The following TLK1 variants were observed in gnomAD, a reference collection of about 807,000 sequenced individuals.
The protein encoded by TLK1 is tousled like kinase 1.
TLK1 carries 24 observed loss-of-function variants against 105.3 expected under a neutral mutation model. The ratio of observed to expected loss-of-function variants is 0.23; its 90% CI spans 0.17 to 0.32. The LOEUF (loss-of-function observed/expected upper bound fraction) is 0.32, where lower values mean the gene tolerates loss of function less well. Ranked by LOEUF, TLK1 falls within the 10% of genes least tolerant of loss-of-function variation. The probability of loss-of-function intolerance (pLI) is 1.00; values close to 1 mark genes in which losing one functional copy is unlikely to be tolerated. For missense variants in TLK1, 558 were observed against 910.5 expected, an observed-to-expected ratio of 0.61 and a Z score of 4.98; for synonymous variants, 321 against 310.4, an observed-to-expected ratio of 1.03 and a Z score of -0.36.
At chr2:171,182,840 C>T (rs1000973387) in intron 1 of TLK1, among the ~76,000 whole-genome samples, 4 of 149,468 alleles carry the variant, frequency 2.7e-5, no homozygotes, top group South Asian at 4.2e-4. Context: ...AAGGTTTGCT[C>T]GAGCCCAGGA....
chr2:171,147,777 T>G (rs1052252671), intron 1 of TLK1, among the ~76,000 whole-genome samples: 1 of 152,230 alleles, frequency 6.6e-6, no homozygotes, highest in African/African-American at 2.4e-5. Flanking sequence ...TCTTAGTGCC[T>G]GTAATTTTCT....
At chr2:171,205,602 G>A (rs914750840) in intron 1 of TLK1, among the ~76,000 whole-genome samples, 3 of 152,184 alleles carry the variant, frequency 2.0e-5, no homozygotes, top group African/African-American at 7.2e-5. Flanking sequence ...GGGATTACAG[G>A]TGTGAGCCAC....
intron 3 of TLK1, among the ~76,000 whole-genome samples, chr2:171,063,087 T>C (rs1025226526): frequency 3.9e-5 from 6 of 152,216 alleles, no homozygotes; most frequent in Admixed American, 2.6e-4. Context: ...GACTCATGCC[T>C]GCAATCTCAG....
At chr2:171,105,952 A>G (rs895332051) in intron 2 of TLK1, among the ~76,000 whole-genome samples, 5 of 152,234 alleles carry the variant, frequency 3.3e-5, no homozygotes, top group African/African-American at 1.2e-4. Context: ...TATGGAATCA[A>G]TGTAAGTGTC....
At chr2:171,229,366 T>A (rs1693952180) in intron 1 of TLK1, among the ~76,000 whole-genome samples, 1 of 152,228 alleles carries the variant, frequency 6.6e-6, no homozygotes, top group Non-Finnish European at 1.5e-5. Flanking sequence ...GTCTAATGCT[T>A]GGCCTCCAAG....
At chr2:171,147,155 A>G (rs144984349) in intron 1 of TLK1, among the ~76,000 whole-genome samples, 1,624 of 152,350 alleles carry the variant, frequency 0.011, 11 homozygotes, top group Admixed American at 0.02. Context: ...CCAAGCTCCT[A>G]GAAAGCAAGG....
chr2:171,041,653 C>T (rs1332900695), intron 11 of TLK1, among the ~76,000 whole-genome samples: 1 of 152,172 alleles, frequency 6.6e-6, no homozygotes, highest in East Asian at 1.9e-4. Context: ...TGAGGTGGAA[C>T]AGTTTCATCC....
At chr2:171,064,972 A>G (rs908748763) in intron 3 of TLK1, among the ~76,000 whole-genome samples, 1 of 152,228 alleles carries the variant, frequency 6.6e-6, no homozygotes, top group African/African-American at 2.4e-5. Context: ...AACTTAGGTC[A>G]GTGATTATTA....
intron 11 of TLK1, 48 bp downstream of exon 11, chr2:171,046,126 C>T: frequency 6.9e-7 from 1 of 1,441,056 alleles, no homozygotes; most frequent in South Asian, 1.6e-5. Flanking sequence ...AACATTCACG[C>T]TCACTGGCAA....
intron 18 of TLK1, among the ~76,000 whole-genome samples, chr2:171,002,789 C>G (rs1684445303): frequency 6.6e-6 from 1 of 151,976 alleles, no homozygotes; most frequent in Non-Finnish European, 1.5e-5. Flanking sequence ...GTGTGTGCCA[C>G]CACATTTGGC....
chr2:171,052,230 G>C (rs927248190), intron 8 of TLK1, among the ~76,000 whole-genome samples: 7 of 152,222 alleles, frequency 4.6e-5, no homozygotes, highest in African/African-American at 1.7e-4. Flanking sequence ...CTGTGCTCTA[G>C]CCTGGGCGAC....
intron 2 of TLK1, among the ~76,000 whole-genome samples, chr2:171,107,354 CTG>C (rs1332313886): frequency 1.3e-5 from 2 of 152,180 alleles, no homozygotes; most frequent in African/African-American, 4.8e-5. Flanking sequence ...CATTAGGACT[CTG>C]TAAGTATACT....
chr2:171,006,703 A>G (rs1286471925), intron 16 of TLK1, 60 bp from the exon 17 acceptor site: 15 of 1,595,066 alleles, frequency 9.4e-6, no homozygotes, highest in Non-Finnish European at 1.3e-5. Flanking sequence ...CAGAATCACA[A>G]TGGGGAAATG....
chr2:171,227,987 C>T (rs577804972), intron 1 of TLK1, among the ~76,000 whole-genome samples: 2 of 152,076 alleles, frequency 1.3e-5, no homozygotes, highest in South Asian at 4.2e-4. Context: ...ACCAACCTGG[C>T]CAACATGGAG....
In TLK1 at chr2:171,213,899, A is replaced by T. The variant is rs571627238; in HGVS notation, c.-6+17246T>A. The stretch of plus-strand genomic sequence containing the variant: ...CACCATGCCCAGCAATTTAAAAAAA[A>T]TTTTTTTTTTAGAGAAGAGGTCTTG... On this transcript the variant is annotated intron_variant, in intron 1 of 20. Transcript: ENST00000521943. 2.6e-3 allele frequency among the ~76,000 whole-genome samples: 384 copies of T among 145,816 alleles called. 2 individuals carry two copies. Among genetic ancestry groups the T allele is most frequent in the Admixed American group, 3.4e-3 (50 of 14,722 alleles).
At chr2:171,027,993 A>C (rs552295623) in intron 12 of TLK1, among the ~76,000 whole-genome samples, 1 of 152,090 alleles carries the variant, frequency 6.6e-6, no homozygotes, top group African/African-American at 2.4e-5. Context: ...CGAAACCCTC[A>C]CTCTACTAAA....
intron 1 of TLK1, among the ~76,000 whole-genome samples, chr2:171,211,846 CCT>C (rs1353407474): frequency 1.1e-4 from 16 of 150,252 alleles, no homozygotes; most frequent in African/African-American, 3.7e-4. Context: ...CTGTGCCCGG[CCT>C]CTTTTTTTTT....
In TLK1 at chr2:171,050,104, T is replaced by C. The variant is rs1399474505; in HGVS notation, c.803A>G (p.Asn268Ser). 2 of 1,600,856 alleles carry C rather than the reference T, an allele frequency of 1.2e-6. No individual in the cohort carries two copies. The highest frequency in any genetic ancestry group is 2.2e-5 in the East Asian group (1 of 44,670). Residue 268 changes from asparagine to serine, a missense_variant, in exon 9 of 21, where the codon AAT becomes AGT. By Grantham distance (46) the Asn-to-Ser change is conservative. Around this residue, in one of 5 missense-constraint regions of TLK1, gnomAD observed 196 missense variants for 239.3 expected, o/e 0.82. Transcript: ENST00000431350. ...KLLEKYKERL[N>S]KCISMSKKLL... ...TTTCTTGCTCATTGATATGCACTTA[T>C]TTAATCGTTCTTTGTATTTTTCAAG...
intron 2 of TLK1, among the ~76,000 whole-genome samples, chr2:171,105,449 G>T (rs1689878477): frequency 6.6e-6 from 1 of 152,220 alleles, no homozygotes; most frequent in African/African-American, 2.4e-5. Context: ...ACTTTGGGAG[G>T]CTGAGGCGGG....
Sources: gnomAD v4.1 joint callset for allele counts (sites outside exome capture counted in the v4.1 genomes callset) on GRCh38, gnomAD v4.1.1 for gene constraint, gnomAD v4.1.1 regional missense constraint, MANE v1.5 for transcripts, NCBI Gene and HGNC (gene_info 2026-07-23, HGNC 2026-07-21) for gene names.